CSMD1: variants seen among roughly 807,000 people sequenced by gnomAD.
CSMD1 encodes CUB and sushi domain-containing protein 1.
CSMD1 carries 213 observed loss-of-function variants against 417.5 expected under a neutral mutation model. That is an observed-to-expected ratio of 0.51 (90% CI 0.46 to 0.57). CSMD1 has a LOEUF of 0.57. CSMD1 is among the 20% of genes least tolerant of loss of function. CSMD1 has a pLI of 0.00. For missense variants in CSMD1, 6,923 were observed against 4,529.7 expected, an observed-to-expected ratio of 1.53 and a Z score of -15.17; for synonymous variants, 2,862 against 1,736.8, an observed-to-expected ratio of 1.65 and a Z score of -16.11.
chr8:3,811,493 G>T (rs1185551641), intron 5 of CSMD1, among the ~76,000 whole-genome samples: 1 of 152,120 alleles, frequency 6.6e-6, no homozygotes, highest in East Asian at 1.9e-4. Context: ...CCGAGTGCCT[G>T]TTGAGAGTTT....
intron 23 of CSMD1, among the ~76,000 whole-genome samples, chr8:3,320,847 G>A (rs1055957436): frequency 1.3e-5 from 2 of 152,166 alleles, no homozygotes; most frequent in African/African-American, 4.8e-5. Flanking sequence ...CCTGCCTATG[G>A]GGATACAACG....
At chr8:4,762,024 A>T (rs1440049985) in intron 1 of CSMD1, among the ~76,000 whole-genome samples, 1 of 152,058 alleles carries the variant, frequency 6.6e-6, no homozygotes. Flanking sequence ...AACTTTTAAT[A>T]TATTAAGACT....
At chr8:4,086,193 C>T (rs911908250) in intron 3 of CSMD1, among the ~76,000 whole-genome samples, 16 of 151,890 alleles carry the variant, frequency 1.1e-4, no homozygotes, top group Non-Finnish European at 1.5e-4. Context: ...ATAATAAAAC[C>T]TTACAGCTAC....
intron 2 of CSMD1, among the ~76,000 whole-genome samples, chr8:4,587,905 G>C (rs531965910): frequency 1.2e-4 from 19 of 152,284 alleles, no homozygotes; most frequent in Admixed American, 1.1e-3. Flanking sequence ...ACTGAAGTGT[G>C]AATACTTTTA....
intron 38 of CSMD1, among the ~76,000 whole-genome samples, chr8:3,161,358 T>C (rs986847967): frequency 5.3e-5 from 8 of 152,288 alleles, no homozygotes; most frequent in African/African-American, 1.9e-4. Context: ...AGCTCACACC[T>C]GTAATCCCAG....
intron 7 of CSMD1, among the ~76,000 whole-genome samples, chr8:3,693,033 T>C (rs568121086): frequency 5.9e-4 from 90 of 152,222 alleles, no homozygotes; most frequent in Middle Eastern, 3.4e-3. Flanking sequence ...CTTAAGAAGG[T>C]TTACAATATT....
chr8:3,828,632 T>C (rs953227209), intron 5 of CSMD1, among the ~76,000 whole-genome samples: 1 of 152,144 alleles, frequency 6.6e-6, no homozygotes, highest in Non-Finnish European at 1.5e-5. Context: ...ATCCCAGTCA[T>C]CGTCACACCT....
chr8:3,801,144 G>A (rs78250918), intron 5 of CSMD1, among the ~76,000 whole-genome samples: 1 of 151,702 alleles, frequency 6.6e-6, no homozygotes, highest in Non-Finnish European at 1.5e-5. Flanking sequence ...AAATTTTTCT[G>A]CTGCAAAGGA....
chr8:4,561,952 C>A (rs1459795155), intron 2 of CSMD1, among the ~76,000 whole-genome samples: 3 of 152,104 alleles, frequency 2.0e-5, no homozygotes, highest in Non-Finnish European at 4.4e-5. Flanking sequence ...ACTGCCAGCC[C>A]CTCACAACGC....
At chr8:3,919,960 T>A (rs1563211661) in intron 5 of CSMD1, among the ~76,000 whole-genome samples, 1 of 152,174 alleles carries the variant, frequency 6.6e-6, no homozygotes, top group Middle Eastern at 3.2e-3. Flanking sequence ...CTGAGTCTTG[T>A]ATTTTTAGTG....
chr8:3,876,698 T>C (rs1805848449), intron 5 of CSMD1, among the ~76,000 whole-genome samples: 1 of 152,166 alleles, frequency 6.6e-6, no homozygotes. Flanking sequence ...TAGCCTTGAC[T>C]TCCCAGGCTC....
chr8:4,080,021 A>G (rs1397020090), intron 3 of CSMD1, among the ~76,000 whole-genome samples: 1 of 149,986 alleles, frequency 6.7e-6, no homozygotes, highest in Admixed American at 6.6e-5. Context: ...TTTTTTCTAG[A>G]TATCAAAAGG....
intron 5 of CSMD1, among the ~76,000 whole-genome samples, chr8:3,881,895 A>G (rs943168258): frequency 2.0e-5 from 3 of 152,162 alleles, no homozygotes; most frequent in Non-Finnish European, 2.9e-5. Flanking sequence ...GGTCAGTTGC[A>G]TGTTCATACA....
intron 3 of CSMD1, among the ~76,000 whole-genome samples, chr8:4,200,905 C>A (rs1210979173): frequency 6.6e-6 from 1 of 152,122 alleles, no homozygotes. Context: ...AAACGCTAAG[C>A]TAGTTTAAAG....
At chr8:4,695,387 C>A (rs1049698989) in intron 1 of CSMD1, among the ~76,000 whole-genome samples, 4 of 152,142 alleles carry the variant, frequency 2.6e-5, no homozygotes, top group African/African-American at 7.2e-5. Flanking sequence ...GTTATTTACA[C>A]GCATATTACT....
rs1797373872 is a variant in CSMD1, at chr8:4,032,023, T to C, written c.492A>G (p.Gly164=). ...GGAGGCAGCTGTACCGGATTTTGTC[T>C]CCTATGTTGAATCTCGTTCCATGCA... ...GVLHGTRFNI[G]DKIRYSCLPG... is the part of the protein sequence containing the mutation. Residue 164 remains glycine, a synonymous_variant, in exon 4 of 70, where the codon GGA becomes GGG. Transcript: ENST00000635120. 4.3e-6 allele frequency: 7 copies of C among 1,613,864 alleles called. No homozygotes were observed. In the African/African-American group the frequency reaches 9.3e-5, roughly 22 times the overall value.
intron 26 of CSMD1, among the ~76,000 whole-genome samples, chr8:3,283,088 G>A (rs1316525058): frequency 6.6e-6 from 1 of 152,128 alleles, no homozygotes; most frequent in Non-Finnish European, 1.5e-5. Context: ...ACTATCTTTA[G>A]GAGATTATAG....
intron 1 of CSMD1, among the ~76,000 whole-genome samples, chr8:4,685,570 C>A (rs946536305): frequency 4.6e-5 from 7 of 151,574 alleles, no homozygotes; most frequent in Admixed American, 3.9e-4. Flanking sequence ...AATGAGACTC[C>A]TTCTTTAAAA....
chr8:3,599,128 T>TGTGA (rs1563187117), intron 8 of CSMD1, among the ~76,000 whole-genome samples: 1 of 130,434 alleles, frequency 7.7e-6, no homozygotes, highest in Non-Finnish European at 1.5e-5. Context: ...CTTACTGCTG[T>TGTGA]GTGTGTGTGT....
Sources: gnomAD v4.1 joint callset for allele counts (sites outside exome capture counted in the v4.1 genomes callset) on GRCh38, gnomAD v4.1.1 for gene constraint, MANE v1.5 for transcripts, NCBI Gene and HGNC (gene_info 2026-07-23, HGNC 2026-07-21) for gene names.